Variants in LRPPRC observed in about 807,000 individuals in gnomAD.
LRPPRC encodes leucine rich pentatricopeptide repeat containing.
In LRPPRC, 120 loss-of-function variants were observed where a neutral mutation model predicts 180.3. The ratio of observed to expected loss-of-function variants is 0.67; its 90% CI spans 0.57 to 0.77. LRPPRC has a LOEUF of 0.77. Among genes scored for constraint, LRPPRC ranks in the 30% least tolerant of loss-of-function variants. The pLI is 0.00. For synonymous variants in LRPPRC, 723 were observed against 600.0 expected, an observed-to-expected ratio of 1.21 and a Z score of -3.00; for missense variants, 2,012 against 1,657.2, an observed-to-expected ratio of 1.21 and a Z score of -3.72.
chr2:43,993,994 C>G (rs936537881), intron 1 of LRPPRC, among the ~76,000 whole-genome samples: 10 of 152,058 alleles, frequency 6.6e-5, no homozygotes, highest in African/African-American at 2.2e-4. Flanking sequence ...GAACCCAGGT[C>G]TGATGAACAC....
Position 43,929,519 on chromosome 2 carries a change from T to G in LRPPRC, c.2737-3558A>C, listed in dbSNP as rs906279869. On this transcript the variant is annotated intron_variant, in intron 25 of 37. Coordinates refer to ENST00000260665, the MANE Select transcript of LRPPRC (RefSeq NM_133259.4). ...AAGCATTCATGACATACCTTTTTCT[T>G]AATTTTTTTCAGTATTTCTAGGCTA... 7.9e-5 allele frequency among the ~76,000 whole-genome samples: 12 copies of G among 152,210 alleles called. No homozygotes were observed. The South Asian group carries it at 8.3e-4, about 11-fold the overall frequency.
chr2:43,927,262 C>A (rs1160994223), intron 25 of LRPPRC, among the ~76,000 whole-genome samples: 2 of 152,236 alleles, frequency 1.3e-5, no homozygotes, highest in Non-Finnish European at 2.9e-5. Flanking sequence ...TGAATCTAAT[C>A]TCTTAAGTCC....
intron 23 of LRPPRC, among the ~76,000 whole-genome samples, chr2:43,940,079 T>C (rs1672424832): frequency 6.6e-6 from 1 of 152,196 alleles, no homozygotes; most frequent in Non-Finnish European, 1.5e-5. Flanking sequence ...GCCATGAATG[T>C]AACTTAATTA....
chr2:43,907,209 C>G (rs1479233409), intron 30 of LRPPRC, among the ~76,000 whole-genome samples: 1 of 152,182 alleles, frequency 6.6e-6, no homozygotes, highest in Admixed American at 6.5e-5. Context: ...ATCTCTTCCT[C>G]TCTCAAGCTG....
intron 11 of LRPPRC, among the ~76,000 whole-genome samples, chr2:43,968,006 G>A (rs1673635894): frequency 6.6e-6 from 1 of 151,850 alleles, no homozygotes; most frequent in Admixed American, 6.6e-5. Context: ...TGTCCTCAGT[G>A]TCCTTTCTGA....
intron 18 of LRPPRC, 109 bp from the exon 19 acceptor site, chr2:43,947,884 C>T: frequency 1.3e-6 from 1 of 767,838 alleles, no homozygotes; most frequent in South Asian, 1.5e-5. Context: ...TACTTTTCAT[C>T]TTTCCAAAAT....
At chr2:43,936,462 A>G (rs939030682) in intron 23 of LRPPRC, among the ~76,000 whole-genome samples, 7 of 152,214 alleles carry the variant, frequency 4.6e-5, no homozygotes, top group African/African-American at 1.7e-4. Flanking sequence ...ATCTTTGTAG[A>G]GAATATAAAT....
chr2:43,975,311 C>T lies in LRPPRC; in HGVS notation c.738-94G>A, dbSNP rs1674006050. 3 of 1,027,618 alleles carry T rather than the reference C, an allele frequency of 2.9e-6. No homozygotes were observed. The East Asian group carries it at 8.0e-5, about 27-fold the overall frequency. The allele number at this position is 1,027,618 out of a possible 1,614,324, so 63.7% of individuals were successfully genotyped here. A position where few individuals can be genotyped will look rare whatever the true frequency, so the allele number is the denominator to read the frequency against. ...CATATGCTTATTAAAATAAAAAATG[C>T]TAAGTACCATTTGGAATTATGATGT... On this transcript the variant is annotated intron_variant, in intron 6 of 37. Coordinates refer to ENST00000260665, the MANE Select transcript of LRPPRC (RefSeq NM_133259.4).
chr2:43,963,363 G>A (rs963749012), intron 12 of LRPPRC: 31 of 606,252 alleles, frequency 5.1e-5, no homozygotes, highest in Non-Finnish European at 9.0e-5. Flanking sequence ...AGAATTGCTT[G>A]AACCCAGGAG....
At position 43,886,723 on chromosome 2, in the gene LRPPRC, CCAA is replaced by C. The variant is rs1463454717; in HGVS notation, c.*1874_*1876del. On this transcript the variant is annotated 3_prime_UTR_variant, in exon 38 of 38. Transcript: ENST00000260665. Reference sequence around the variant, plus strand: ...ATGACTGCGAAATCCAGATTACACCCCAACGTTATGCCTCACCTTGGAGACCTA... The same window carrying C: ...ATGACTGCGAAATCCAGATTACACCCCGTTATGCCTCACCTTGGAGACCTA... The C allele has an allele frequency of 6.6e-6, 1 of 152,146 alleles. No individual in the cohort carries two copies. The highest frequency in any genetic ancestry group is 1.5e-5 in the Non-Finnish European group (1 of 68,044). 9.4% of individuals were successfully genotyped at this position (152,146 alleles called of 1,614,324 possible). A position where few individuals can be genotyped will look rare whatever the true frequency, so the allele number is the denominator to read the frequency against.
At chr2:43,891,551 T>G (rs116713331) in intron 36 of LRPPRC, among the ~76,000 whole-genome samples, 1,617 of 152,318 alleles carry the variant, frequency 0.011, 35 homozygotes, top group African/African-American at 0.037. Flanking sequence ...ATGTTACTAT[T>G]GTAATTGGGG....
At chr2:43,914,693 C>T (rs1286721550) in intron 29 of LRPPRC, among the ~76,000 whole-genome samples, 1 of 151,814 alleles carries the variant, frequency 6.6e-6, no homozygotes, top group Non-Finnish European at 1.5e-5. Flanking sequence ...TGCGCCACCG[C>T]ACTCCATCCT....
intron 14 of LRPPRC, among the ~76,000 whole-genome samples, chr2:43,952,135 G>C (rs1672931130): frequency 6.6e-6 from 1 of 152,076 alleles, no homozygotes; most frequent in African/African-American, 2.4e-5. Flanking sequence ...GGAGGTTGCG[G>C]TGAGCCAAGA....
intron 30 of LRPPRC, among the ~76,000 whole-genome samples, chr2:43,910,548 T>TA (rs1258532949): frequency 6.6e-6 from 1 of 152,232 alleles, no homozygotes; most frequent in Non-Finnish European, 1.5e-5. Flanking sequence ...AATCTCTTTT[T>TA]AAAAATTTCA....
intron 11 of LRPPRC, among the ~76,000 whole-genome samples, chr2:43,966,987 G>C (rs1673589046): frequency 6.6e-6 from 1 of 152,118 alleles, no homozygotes; most frequent in African/African-American, 2.4e-5. Context: ...GAGGGCAGAA[G>C]TTGCAGTGAG....
intron 29 of LRPPRC, among the ~76,000 whole-genome samples, chr2:43,917,705 C>T (rs750469942): frequency 3.3e-5 from 5 of 152,042 alleles, no homozygotes; most frequent in Non-Finnish European, 4.4e-5. Flanking sequence ...AGGAAAATGG[C>T]GTGAACCCAG....
chr2:43,991,105 C>G lies in LRPPRC; in HGVS notation c.149+4694G>C, dbSNP rs544202847. Among the ~76,000 whole-genome samples the G allele has an allele frequency of 7.9e-5, 12 of 151,606 alleles. No homozygotes were observed. In the South Asian group the frequency reaches 2.5e-3, roughly 32 times the overall value. On this transcript the variant is annotated intron_variant, in intron 1 of 37. Transcript: ENST00000260665. ...AGTGCAGTGGCCTGATCTCTGCTCA[C>G]TACAAGCTCCGCCTCCCAGGTTCAT...
intron 13 of LRPPRC, 77 bp from the exon 14 acceptor site, chr2:43,957,528 A>G (rs553669965): frequency 1.3e-5 from 13 of 984,970 alleles, no homozygotes; most frequent in Non-Finnish European, 2.1e-5. Context: ...TTGAAAACAT[A>G]TTTATACCAA....
At chr2:43,987,322 CG>C (rs1361087136) in intron 1 of LRPPRC, among the ~76,000 whole-genome samples, 2 of 151,900 alleles carry the variant, frequency 1.3e-5, no homozygotes, top group Non-Finnish European at 2.9e-5. Context: ...GGCGAAACCC[CG>C]TCTCTAATAA....
Sources: gnomAD v4.1 joint callset for allele counts (sites outside exome capture counted in the v4.1 genomes callset) on GRCh38, gnomAD v4.1.1 for gene constraint, MANE v1.5 for transcripts, NCBI Gene and HGNC (gene_info 2026-07-23, HGNC 2026-07-21) for gene names.